GTF3C1: variants seen among roughly 807,000 people sequenced by gnomAD.
GTF3C1 encodes general transcription factor 3C polypeptide 1.
GTF3C1 carries 57 observed loss-of-function variants against 226.7 expected under a neutral mutation model. The observed-to-expected ratio is 0.25, with a 90% CI of 0.20 to 0.31. The LOEUF (loss-of-function observed/expected upper bound fraction) is 0.31, where lower values mean the gene tolerates loss of function less well. Among genes scored for constraint, GTF3C1 ranks in the 10% least tolerant of loss-of-function variants. The probability of loss-of-function intolerance (pLI) is 1.00; values close to 1 mark genes in which losing one functional copy is unlikely to be tolerated. For missense variants in GTF3C1, 2,217 were observed against 2,776.1 expected, an observed-to-expected ratio of 0.80 and a Z score of 4.53; for synonymous variants, 1,090 against 1,084.8, an observed-to-expected ratio of 1.00 and a Z score of -0.09.
chr16:27,503,185 G>T (rs2088433819), intron 10 of GTF3C1, among the ~76,000 whole-genome samples, 190 bp from the exon 11 acceptor site: 1 of 152,130 alleles, frequency 6.6e-6, no homozygotes, highest in Non-Finnish European at 1.5e-5. Flanking sequence ...GAAAATCAAA[G>T]ACATTGGCCA....
chr16:27,531,615 C>T (rs2088918312), intron 5 of GTF3C1, among the ~76,000 whole-genome samples: 2 of 152,224 alleles, frequency 1.3e-5, no homozygotes, highest in Non-Finnish European at 2.9e-5. Context: ...ACTCAACATA[C>T]ACACTCCCTG....
At chr16:27,498,131 A>C (rs1406945508) in intron 13 of GTF3C1, among the ~76,000 whole-genome samples, 3 of 152,240 alleles carry the variant, frequency 2.0e-5, no homozygotes. Context: ...ATGAGAAATT[A>C]ACCAGCAACT....
intron 9 of GTF3C1, among the ~76,000 whole-genome samples, chr16:27,506,481 AAT>A (rs1053070095): frequency 6.6e-6 from 1 of 152,162 alleles, no homozygotes; most frequent in African/African-American, 2.4e-5. Context: ...CAGATTTGCA[AAT>A]GTGTCATCAG....
intron 11 of GTF3C1, among the ~76,000 whole-genome samples, 168 bp from the exon 12 acceptor site, chr16:27,501,512 T>TC (rs2088403870): frequency 6.6e-6 from 1 of 152,110 alleles, no homozygotes; most frequent in African/African-American, 2.4e-5. Flanking sequence ...AATGATTGTT[T>TC]CCCTCTGTGG....
intron 1 of GTF3C1, among the ~76,000 whole-genome samples, chr16:27,549,431 C>G (rs1378003515): frequency 6.6e-6 from 1 of 152,180 alleles, no homozygotes; most frequent in Non-Finnish European, 1.5e-5. Flanking sequence ...CCAAAACACA[C>G]ACAGGGACAA....
chr16:27,494,413 CA>C (rs71137798), intron 16 of GTF3C1, among the ~76,000 whole-genome samples: 134 of 115,484 alleles, frequency 1.2e-3, no homozygotes, highest in East Asian at 6.7e-3. Flanking sequence ...AAAAAAAAAA[CA>C]AAAAAAAAAA....
chr16:27,478,471 G>A lies in GTF3C1; in HGVS notation c.4257C>T (p.Asn1419=), dbSNP rs746605811. 2.5e-6 allele frequency: 4 copies of A among 1,596,546 alleles called. No homozygotes were observed. The highest frequency in any genetic ancestry group is 3.4e-6 in the Non-Finnish European group (4 of 1,163,974). Residue 1419 remains asparagine (N), a splice_region_variant and synonymous_variant, in exon 28 of 37, where the codon AAC becomes AAT. Transcript: ENST00000356183. ...CTACTCTATATATCAGTACTTACCTGTTAAGTTCATCCTCTTTCCTGGTTT... is the reference window on the plus strand; with the variant it reads ...CTACTCTATATATCAGTACTTACCTATTAAGTTCATCCTCTTTCCTGGTTT... ...KDQTRKEDEL[N]SVDDIHFLVL...
At chr16:27,480,753 G>C in intron 27 of GTF3C1, 1 of 283,158 alleles carries the variant, frequency 3.5e-6, no homozygotes, top group Admixed American at 4.6e-5. Context: ...CCTGGCCCTG[G>C]TACTTACAAG....
rs1179859569 is a variant in GTF3C1 at position 27,469,446 on chromosome 16, G to A, written c.4919C>T (p.Ala1640Val). The change falls in exon 32 of 37, where the codon GCC becomes GTC. Residue 1640 changes from alanine to valine, a missense_variant. By Grantham distance (64) the Ala-to-Val change is moderately conservative. This residue lies in a region of GTF3C1 where 455 missense variants were observed against 441.9 expected (regional missense o/e 1.03). Coordinates refer to ENST00000356183, the MANE Select transcript of GTF3C1 (RefSeq NM_001520.4). The surrounding 1 kb of genome is among the most constrained non-coding windows in gnomAD (Gnocchi z 4.5). Reference sequence around the variant, plus strand: ...CATCAGCAGGTAGTTGGTGTGGGAGGCTTGCGCAGGTTTCACCTCCATGCT... The same window carrying A: ...CATCAGCAGGTAGTTGGTGTGGGAGACTTGCGCAGGTTTCACCTCCATGCT... ...RRSMEVKPAQ[A>V]SHTNYLLMRG... 1 of 1,614,088 alleles carries A rather than the reference G, an allele frequency of 6.2e-7. No homozygotes were observed. Among genetic ancestry groups the A allele is most frequent in the East Asian group, 2.2e-5 (1 of 44,900 alleles).
In GTF3C1 at chr16:27,494,070, T is replaced by C. The variant is rs7190780; in HGVS notation, c.2778+693A>G. Among the ~76,000 whole-genome samples the C allele has an allele frequency of 7.0e-3, 1,073 of 152,208 alleles. 16 individuals are homozygous for C. The highest frequency in any genetic ancestry group is 0.025 in the African/African-American group (1,019 of 41,518). The stretch of plus-strand genomic sequence containing the variant: ...TATGAGTGATACAGTTATGGGTAAT[T>C]TCTATTTTATCTTTCTCTATTTACC... On this transcript the variant is annotated intron_variant, in intron 16 of 36. Coordinates refer to ENST00000356183, the MANE Select transcript of GTF3C1 (RefSeq NM_001520.4).
intron 2 of GTF3C1, among the ~76,000 whole-genome samples, chr16:27,540,302 C>G (rs1251291751): frequency 6.6e-6 from 1 of 152,214 alleles, no homozygotes; most frequent in African/African-American, 2.4e-5. Flanking sequence ...GAATACACGA[C>G]AGAAAGTCCA....
At position 27,549,727 on chromosome 16, in the gene GTF3C1, G is replaced by A. The variant is rs767258868; in HGVS notation, c.164C>T (p.Pro55Leu). ...AGGCTCCTCATAGAAGCTGATGCCC[G>A]GGTGCGTGGCGAGGGCCCGCCAGAG... ...EFLWRALATH[P>L]GISFYEEPRE... The change falls in exon 1 of 37, where the codon CCG becomes CTG. Residue 55 changes from proline (P) to leucine (L), a missense_variant. Around this residue, in one of 12 missense-constraint regions of GTF3C1, gnomAD observed 192 missense variants for 251.8 expected, o/e 0.76. Transcript: ENST00000356183. 1.3e-6 allele frequency: 2 copies of A among 1,584,256 alleles called. No homozygotes were observed. The highest frequency in any genetic ancestry group is 1.7e-6 in the Non-Finnish European group (2 of 1,163,086).
At chr16:27,532,589 G>T (rs1329803503) in intron 5 of GTF3C1, among the ~76,000 whole-genome samples, 1 of 152,046 alleles carries the variant, frequency 6.6e-6, no homozygotes, top group African/African-American at 2.4e-5. Context: ...CTGCTCTGGG[G>T]CCCAAAGACG....
chr16:27,524,926 G>A (rs2088806682), intron 6 of GTF3C1, among the ~76,000 whole-genome samples: 2 of 152,180 alleles, frequency 1.3e-5, no homozygotes, highest in South Asian at 4.1e-4. Context: ...GGCTGAGGCG[G>A]GCAGATCACC....
intron 32 of GTF3C1, among the ~76,000 whole-genome samples, chr16:27,466,488 C>A: frequency 6.6e-6 from 1 of 152,200 alleles, no homozygotes. Flanking sequence ...CTTCCCTCTC[C>A]TGGGGCTCCC....
chr16:27,464,345 A>G lies in GTF3C1; in HGVS notation c.5847T>C (p.Pro1949=), dbSNP rs867307196. Residue 1949 remains proline (P), a synonymous_variant, in exon 34 of 37, where the codon CCT becomes CCC. Transcript: ENST00000356183. ...CTCTGGGGTCTTCAGAGCCCTCTGG[A>G]GGCTGCGCCTGGCCGCTCAGCTGCT... The part of the protein sequence containing the change: ...GQEQLSGQAQ[P]PEGSEDPRGF... 12 of 1,535,778 alleles carry G rather than the reference A, an allele frequency of 7.8e-6. No homozygotes were observed. Among genetic ancestry groups the G allele is most frequent in the Middle Eastern group, 1.7e-4 (1 of 5,716 alleles).
chr16:27,461,168 CCT>C lies in GTF3C1; in HGVS notation c.*180_*181del. On this transcript the variant is annotated 3_prime_UTR_variant, in exon 37 of 37. Transcript: ENST00000356183. This position sits in a 1 kb window ranked among gnomAD's most constrained non-coding sequence, Gnocchi z 5.3. ...TGGGGGATGGGCAGGTCGGGGAGCC[CCT>C]CTTTCCAGAGTTCCAGTACAGTGGG... 5.4e-6 allele frequency: 3 copies of C among 553,224 alleles called. No individual in the cohort carries two copies. The highest frequency in any genetic ancestry group is 9.7e-6 in the Non-Finnish European group (3 of 309,394). The allele number at this position is 553,224 out of a possible 1,614,324, so 34.3% of individuals were successfully genotyped here. A position where few individuals can be genotyped will look rare whatever the true frequency, so the allele number is the denominator to read the frequency against.
At chr16:27,464,914 G>T in intron 33 of GTF3C1, 78 bp from the exon 34 acceptor site, 2 of 1,234,724 alleles carry the variant, frequency 1.6e-6, no homozygotes, top group Non-Finnish European at 2.2e-6. Flanking sequence ...GAGTGGAGTG[G>T]CCTCCCCTGA....
In GTF3C1 at chr16:27,469,716, C is replaced by A. The variant is rs1162842649; in HGVS notation, c.4815-166G>T. The stretch of plus-strand genomic sequence containing the variant: ...TGTGGATGGCTGCCCCAGATCCATC[C>A]CCTTTCCCACCTTCCCGTGCACCGC... On this transcript the variant is annotated intron_variant, in intron 31 of 36. Transcript: ENST00000356183. This position sits in a 1 kb window ranked among gnomAD's most constrained non-coding sequence, Gnocchi z 4.5. Among the ~76,000 whole-genome samples the A allele has an allele frequency of 6.6e-6, 1 of 152,116 alleles. No individual in the cohort carries two copies. The highest frequency in any genetic ancestry group is 6.5e-5 in the Admixed American group (1 of 15,280).
Sources: allele counts gnomAD v4.1 joint callset (sites outside exome capture counted in the v4.1 genomes callset), GRCh38; gene constraint gnomAD v4.1.1; regional missense constraint gnomAD v4.1.1; non-coding constraint Gnocchi (gnomAD v3.1); transcripts MANE v1.5; gene names NCBI Gene and HGNC (gene_info 2026-07-23, HGNC 2026-07-21).